The following TASP1 variants were observed in gnomAD, a reference collection of about 807,000 sequenced individuals.
TASP1 encodes taspase 1, also known as threonine aspartase 1.
TASP1 carries 16 observed loss-of-function variants against 56.6 expected under a neutral mutation model. That is an observed-to-expected ratio of 0.28 (90% CI 0.19 to 0.43). The LOEUF is 0.43. TASP1 is among the 20% of genes least tolerant of loss of function. The probability of loss-of-function intolerance (pLI) is 1.00; values close to 1 mark genes in which losing one functional copy is unlikely to be tolerated. For missense variants in TASP1, 393 were observed against 511.6 expected, an observed-to-expected ratio of 0.77 and a Z score of 2.24; for synonymous variants, 179 against 184.2, an observed-to-expected ratio of 0.97 and a Z score of 0.23.
the TASP1 span, among the ~76,000 whole-genome samples, chr20:13,198,828 T>C: frequency 6.9e-6 from 1 of 145,356 alleles, no homozygotes; most frequent in Non-Finnish European, 1.5e-5. Flanking sequence ...CTTTCTTTCT[T>C]TCTTTCTTTC....
At chr20:13,130,258 A>T in the TASP1 span, among the ~76,000 whole-genome samples, 1 of 152,216 alleles carries the variant, frequency 6.6e-6, no homozygotes, top group Non-Finnish European at 1.5e-5. Context: ...CTCAGGGTAA[A>T]GTTGCCCAGA....
At chr20:13,263,423 C>T in the TASP1 span, among the ~76,000 whole-genome samples, 1 of 152,024 alleles carries the variant, frequency 6.6e-6, no homozygotes, top group African/African-American at 2.4e-5. Context: ...TCTAGAAAGC[C>T]GATTTTATGG....
chr20:13,560,995 T>C (rs937813885), intron 7 of TASP1, among the ~76,000 whole-genome samples: 1 of 152,216 alleles, frequency 6.6e-6, no homozygotes, highest in Admixed American at 6.5e-5. Context: ...GGATCCCCAA[T>C]AATATTATAA....
At chr20:13,443,854 A>G (rs557717025) in intron 11 of TASP1, among the ~76,000 whole-genome samples, 1 of 152,290 alleles carries the variant, frequency 6.6e-6, no homozygotes, top group South Asian at 2.1e-4. Context: ...ATCTAAGAGG[A>G]AAAAAACCAA....
At chr20:13,595,419 A>C (rs919383451) in intron 4 of TASP1, among the ~76,000 whole-genome samples, 1 of 152,236 alleles carries the variant, frequency 6.6e-6, no homozygotes, top group Admixed American at 6.5e-5. Flanking sequence ...CAACTAAAAG[A>C]CACAGACTGG....
the TASP1 span, chr20:13,270,588 C>G: frequency 6.2e-7 from 1 of 1,613,972 alleles, no homozygotes; most frequent in Non-Finnish European, 8.5e-7. Flanking sequence ...TCTGGACCAC[C>G]AGGCTGCACA....
In TASP1 at chr20:13,467,531, T is replaced by C. The variant is rs997393624; in HGVS notation, c.985+15696A>G. Among the ~76,000 whole-genome samples the C allele has an allele frequency of 1.2e-4, 19 of 152,132 alleles. 1 individual carries two copies. The highest frequency in any genetic ancestry group is 2.4e-4 in the Non-Finnish European group (16 of 68,020). On this transcript the variant is annotated intron_variant, in intron 11 of 13. Transcript: ENST00000337743. ...ACCTATAGCACTAGTTGTCAGTCAA[T>C]TGGTACTTTGGTTGGATTCTTTAAA...
the TASP1 span, among the ~76,000 whole-genome samples, chr20:13,143,546 A>G: frequency 6.6e-6 from 1 of 152,186 alleles, no homozygotes. Context: ...GAACCCAGCA[A>G]ATTGGCTTCA....
the TASP1 span, among the ~76,000 whole-genome samples, chr20:13,266,853 C>A: frequency 0.65 from 98,573 of 152,044 alleles, 33,879 homozygotes; most frequent in African/African-American, 0.89. Flanking sequence ...GAATAATTCA[C>A]GTGGAATACT....
chr20:13,308,036 T>G, the TASP1 span, among the ~76,000 whole-genome samples: 1 of 152,028 alleles, frequency 6.6e-6, no homozygotes, highest in Non-Finnish European at 1.5e-5. Context: ...CGTTTAGGAG[T>G]GTTTGAAAGT....
the TASP1 span, among the ~76,000 whole-genome samples, chr20:13,136,604 C>CATATATATATAT: frequency 7.0e-3 from 948 of 136,034 alleles, 11 homozygotes; most frequent in African/African-American, 0.023. Flanking sequence ...CATCTAAAAA[C>CATATATATATAT]ATATATATAT....
intron 12 of TASP1, among the ~76,000 whole-genome samples, chr20:13,421,954 T>A (rs1277176136): frequency 1.5e-5 from 2 of 130,812 alleles, no homozygotes; most frequent in Non-Finnish European, 3.2e-5. Flanking sequence ...CTGTTTAACC[T>A]TTTTTTTTTT....
intron 13 of TASP1, among the ~76,000 whole-genome samples, chr20:13,400,204 C>G (rs2041686466): frequency 6.6e-6 from 1 of 152,138 alleles, no homozygotes; most frequent in African/African-American, 2.4e-5. Context: ...AGAAAAGTAC[C>G]TCAATATAGA....
intron 13 of TASP1, among the ~76,000 whole-genome samples, chr20:13,414,112 T>C (rs2042176767): frequency 1.3e-5 from 2 of 152,236 alleles, no homozygotes; most frequent in Non-Finnish European, 2.9e-5. Flanking sequence ...CTGCATTTAG[T>C]TGTCACATCT....
At chr20:13,495,432 A>C (rs1442685128) in intron 10 of TASP1, among the ~76,000 whole-genome samples, 2 of 152,190 alleles carry the variant, frequency 1.3e-5, no homozygotes, top group Non-Finnish European at 2.9e-5. Context: ...TATCAAGGGA[A>C]GTTTTGAGGG....
chr20:13,233,048 G>A, the TASP1 span, among the ~76,000 whole-genome samples: 1 of 151,272 alleles, frequency 6.6e-6, no homozygotes, highest in African/African-American at 2.4e-5. Context: ...AAAACAGGCC[G>A]GAAAAGTGTC....
Position 13,629,999 on chromosome 20 carries a change from G to C in TASP1, c.80C>G (p.Ala27Gly), listed in dbSNP as rs2049027756. Residue 27 changes from alanine to glycine, a missense_variant, in exon 2 of 14, where the codon GCC becomes GGC. Physicochemically the swap from Ala to Gly is moderately conservative, Grantham distance 60 (BLOSUM62 0). Coordinates refer to ENST00000337743, the MANE Select transcript of TASP1 (RefSeq NM_017714.3). ...SSQVSAGKIT[A>G]KELETKQSYK... The stretch of plus-strand genomic sequence containing the variant: ...GGACTGCTTTGTTTCCAACTCTTTG[G>C]CTGTTATTTTACCAGCCGAAACCTG... 1 of 1,613,832 alleles carries C rather than the reference G, an allele frequency of 6.2e-7. No homozygotes were observed. The highest frequency in any genetic ancestry group is 8.5e-7 in the Non-Finnish European group (1 of 1,179,952).
the TASP1 span, among the ~76,000 whole-genome samples, chr20:13,235,157 T>C: frequency 6.6e-6 from 1 of 152,212 alleles, no homozygotes; most frequent in East Asian, 1.9e-4. Flanking sequence ...TGAGGTTCAG[T>C]AGATCTAGGC....
intron 6 of TASP1, among the ~76,000 whole-genome samples, chr20:13,579,456 C>A (rs1216200729): frequency 1.3e-5 from 2 of 152,042 alleles, no homozygotes; most frequent in African/African-American, 2.4e-5. Flanking sequence ...GCAAGCTCCG[C>A]CTCCTGGGTT....
Sources: gnomAD v4.1 joint callset for allele counts (sites outside exome capture counted in the v4.1 genomes callset) on GRCh38, gnomAD v4.1.1 for gene constraint, MANE v1.5 for transcripts, NCBI Gene and HGNC (gene_info 2026-07-23, HGNC 2026-07-21) for gene names.